The following SLC24A3 variants were observed in gnomAD, a reference collection of about 807,000 sequenced individuals.
SLC24A3 encodes sodium/potassium/calcium exchanger 3.
In SLC24A3, 28 loss-of-function variants were observed where a neutral mutation model predicts 75.8. The ratio of observed to expected loss-of-function variants is 0.37; its 90% CI spans 0.27 to 0.51. SLC24A3 has a LOEUF of 0.51. Ranked by LOEUF, SLC24A3 falls within the 20% of genes least tolerant of loss-of-function variation. The probability of loss-of-function intolerance (pLI) is 0.94; values close to 1 mark genes in which losing one functional copy is unlikely to be tolerated. For synonymous variants in SLC24A3, 372 were observed against 334.1 expected, an observed-to-expected ratio of 1.11 and a Z score of -1.24; for missense variants, 663 against 847.8, an observed-to-expected ratio of 0.78 and a Z score of 2.71.
intron 12 of SLC24A3, among the ~76,000 whole-genome samples, chr20:19,693,006 A>T (rs1437982282): frequency 6.6e-6 from 1 of 151,630 alleles, no homozygotes; most frequent in African/African-American, 2.4e-5. Flanking sequence ...CTAAGAAGTG[A>T]TTCACCCTCT....
At chr20:19,425,902 A>G (rs565733676) in intron 2 of SLC24A3, among the ~76,000 whole-genome samples, 3 of 152,170 alleles carry the variant, frequency 2.0e-5, no homozygotes, top group Admixed American at 6.5e-5. Context: ...GATGGTCCTT[A>G]CTCAGTTTTG....
At chr20:19,578,427 T>C (rs2031172310) in intron 3 of SLC24A3, among the ~76,000 whole-genome samples, 1 of 152,080 alleles carries the variant, frequency 6.6e-6, no homozygotes, top group Non-Finnish European at 1.5e-5. Flanking sequence ...GCAAGTTTTC[T>C]CTATATGACA....
chr20:19,498,405 A>C (rs4814865), intron 2 of SLC24A3, among the ~76,000 whole-genome samples: 69,870 of 151,894 alleles, frequency 0.46, 16,829 homozygotes, highest in African/African-American at 0.6. Flanking sequence ...AAAGAGCCAC[A>C]ACCTCATTCA....
Position 19,555,186 on chromosome 20 carries a change from A to G in SLC24A3, c.349-24814A>G, listed in dbSNP as rs548771076. 2.0e-5 allele frequency among the ~76,000 whole-genome samples: 3 copies of G among 152,286 alleles called. No homozygotes were observed. The South Asian group carries it at 6.2e-4, about 32-fold the overall frequency. The stretch of plus-strand genomic sequence containing the variant: ...AACTCATGCTTAGTGTTGAGCTAAG[A>G]GACTCACAAAGAGAAGAACTTATGT... On this transcript the variant is annotated intron_variant, in intron 3 of 16. Coordinates refer to ENST00000328041, the MANE Select transcript of SLC24A3 (RefSeq NM_020689.4).
intron 2 of SLC24A3, among the ~76,000 whole-genome samples, chr20:19,457,259 G>C (rs1300790695): frequency 6.6e-6 from 1 of 152,134 alleles, no homozygotes; most frequent in Non-Finnish European, 1.5e-5. Flanking sequence ...GCAGAGTCTT[G>C]CTTTCAGCTC....
intron 2 of SLC24A3, among the ~76,000 whole-genome samples, chr20:19,385,456 G>A (rs956114066): frequency 1.3e-5 from 2 of 152,168 alleles, no homozygotes; most frequent in Admixed American, 6.6e-5. Flanking sequence ...GTAAATGCAT[G>A]AATTAATTTC....
At chr20:19,406,995 C>G (rs894642634) in intron 2 of SLC24A3, among the ~76,000 whole-genome samples, 1 of 149,586 alleles carries the variant, frequency 6.7e-6, no homozygotes, top group African/African-American at 2.6e-5. Flanking sequence ...ATATCACTCA[C>G]CAATCATGGC....
At chr20:19,497,396 C>T (rs60263962) in intron 2 of SLC24A3, among the ~76,000 whole-genome samples, 4,013 of 152,216 alleles carry the variant, frequency 0.026, 149 homozygotes, top group African/African-American at 0.081. Flanking sequence ...CTATGTCCTC[C>T]GGGGTCATGT....
chr20:19,720,882 G>A (rs1177734344), intron 16 of SLC24A3, 109 bp from the exon 17 acceptor site: 16 of 1,269,008 alleles, frequency 1.3e-5, no homozygotes, highest in Middle Eastern at 5.6e-4. Flanking sequence ...CACCCTGCCC[G>A]AGGCCCATAG....
chr20:19,284,551 G>A (rs1389555530), intron 2 of SLC24A3: 1 of 152,562 alleles, frequency 6.6e-6, no homozygotes, highest in East Asian at 1.9e-4. Flanking sequence ...GCTTGGAGGA[G>A]TGAAGATTTA....
intron 2 of SLC24A3, among the ~76,000 whole-genome samples, chr20:19,474,682 T>G (rs1475400228): frequency 6.6e-6 from 1 of 152,242 alleles, no homozygotes; most frequent in Non-Finnish European, 1.5e-5. Flanking sequence ...GATGATTAAA[T>G]CAAGCTAATT....
intron 15 of SLC24A3, among the ~76,000 whole-genome samples, chr20:19,706,518 A>G (rs1293930017): frequency 2.6e-5 from 4 of 152,160 alleles, no homozygotes; most frequent in Non-Finnish European, 4.4e-5. Context: ...CCAAACAGAA[A>G]TAAGAGCTTG....
chr20:19,582,878 G>T (rs2031238600), intron 4 of SLC24A3, among the ~76,000 whole-genome samples: 1 of 152,332 alleles, frequency 6.6e-6, no homozygotes, highest in Middle Eastern at 3.4e-3. Flanking sequence ...CCGAGCAGAG[G>T]CTTGTCTAGG....
At chr20:19,708,441 T>A (rs368627141) in intron 15 of SLC24A3, among the ~76,000 whole-genome samples, 2 of 152,278 alleles carry the variant, frequency 1.3e-5, no homozygotes, top group African/African-American at 4.8e-5. Context: ...GAATTCAGGC[T>A]CCCAGCACCA....
intron 2 of SLC24A3, among the ~76,000 whole-genome samples, chr20:19,484,374 G>A (rs1209348726): frequency 6.6e-6 from 1 of 152,162 alleles, no homozygotes; most frequent in Non-Finnish European, 1.5e-5. Context: ...GTCACATGAG[G>A]TCAGGTGTGA....
chr20:19,650,885 G>A (rs1049438749), intron 6 of SLC24A3, among the ~76,000 whole-genome samples: 18 of 151,944 alleles, frequency 1.2e-4, no homozygotes, highest in African/African-American at 2.9e-4. Context: ...CTTTCTGTAC[G>A]TTCAAAATTA....
intron 2 of SLC24A3, among the ~76,000 whole-genome samples, chr20:19,465,013 G>A (rs1441073880): frequency 1.3e-5 from 2 of 152,256 alleles, no homozygotes; most frequent in African/African-American, 4.8e-5. Context: ...ATGTGTGGCT[G>A]TGGAGCACTC....
chr20:19,538,582 C>T (rs929058433), intron 3 of SLC24A3, among the ~76,000 whole-genome samples: 1 of 152,176 alleles, frequency 6.6e-6, no homozygotes, highest in South Asian at 2.1e-4. Flanking sequence ...TACCACTATA[C>T]ACCCACCAAC....
chr20:19,261,549 G>A (rs1019156421), intron 1 of SLC24A3, among the ~76,000 whole-genome samples: 1 of 151,712 alleles, frequency 6.6e-6, no homozygotes, highest in Non-Finnish European at 1.5e-5. Flanking sequence ...GTGTTTTGCT[G>A]TATTGCCCAG....
Sources: gnomAD v4.1 joint callset for allele counts (sites outside exome capture counted in the v4.1 genomes callset) on GRCh38, gnomAD v4.1.1 for gene constraint, MANE v1.5 for transcripts, NCBI Gene and HGNC (gene_info 2026-07-23, HGNC 2026-07-21) for gene names.